Variants in ZNF541 observed in about 807,000 individuals in gnomAD.
ZNF541 encodes zinc finger protein 541.
A neutral mutation model predicts 123.5 loss-of-function variants in ZNF541; 23 were observed. The ratio of observed to expected loss-of-function variants is 0.19; its 90% CI spans 0.13 to 0.26. The LOEUF is 0.26. ZNF541 is among the 10% of genes least tolerant of loss of function. The probability of loss-of-function intolerance (pLI) is 1.00; values close to 1 mark genes in which losing one functional copy is unlikely to be tolerated. For synonymous variants in ZNF541, 751 were observed against 754.5 expected (o/e 1.00, Z 0.08); for missense variants, 1,612 against 1,789.9 (o/e 0.90, Z 1.79).
At chr19:47,552,636 G>C (rs1555775735) in intron 3 of ZNF541, among the ~76,000 whole-genome samples, 1 of 150,402 alleles carries the variant, frequency 6.6e-6, no homozygotes, top group African/African-American at 2.4e-5. Flanking sequence ...CCAGCTACTA[G>C]GGAGGCTGAG....
At chr19:47,532,023 T>C in intron 11 of ZNF541, 105 bp downstream of exon 11, 2 of 1,440,020 alleles carry the variant, frequency 1.4e-6, no homozygotes, top group Non-Finnish European at 9.3e-7. Flanking sequence ...CAGGGGACAC[T>C]ACTTGGATCT....
At position 47,557,722 on chromosome 19, in the gene ZNF541, C is replaced by G. The variant is rs187177792; in HGVS notation, c.-98-1768G>C. 1.2e-3 allele frequency among the ~76,000 whole-genome samples: 187 copies of G among 151,970 alleles called. 1 individual carries two copies. The highest frequency in any genetic ancestry group is 1.4e-3 in the Non-Finnish European group (97 of 67,950). On this transcript the variant is annotated intron_variant, in intron 2 of 16. Transcript: ENST00000391901. ...GGTGTGGTGGCGTCTATCTGTAGTC[C>G]CAGCTATTCAGAAGGCTGAGGCAGG...
chr19:47,561,945 T>A (rs866806274), intron 2 of ZNF541, among the ~76,000 whole-genome samples: 3 of 152,152 alleles, frequency 2.0e-5, no homozygotes, highest in Non-Finnish European at 4.4e-5. Context: ...CAGACTGCAA[T>A]ATGCAAAATA....
intron 9 of ZNF541, among the ~76,000 whole-genome samples, chr19:47,535,101 T>C (rs1969756517): frequency 6.6e-6 from 1 of 152,076 alleles, no homozygotes; most frequent in African/African-American, 2.4e-5. Context: ...TTACAGTGCC[T>C]GCCACCACAC....
chr19:47,531,512 G>T (rs538625869), intron 12 of ZNF541, 130 bp downstream of exon 12: 2 of 623,048 alleles, frequency 3.2e-6, no homozygotes, highest in Non-Finnish European at 5.3e-6. Flanking sequence ...TCCCAAAGCC[G>T]CTGTGGAGGA....
chr19:47,572,817 G>A (rs1599756203), intron 1 of ZNF541, among the ~76,000 whole-genome samples: 1 of 151,986 alleles, frequency 6.6e-6, no homozygotes, highest in East Asian at 1.9e-4. Context: ...GGGATCCTGA[G>A]GAGGGTCTTC....
chr19:47,543,999 C>A, intron 5 of ZNF541, 127 bp downstream of exon 5: 1 of 1,249,794 alleles, frequency 8.0e-7, no homozygotes, highest in Non-Finnish European at 1.1e-6. Flanking sequence ...CTTTCGGAAC[C>A]TTAATTCCTT....
Position 47,521,337 on chromosome 19 carries a change from G to A in ZNF541, c.3928C>T (p.Arg1310Trp), listed in dbSNP as rs1482020425. Reference sequence around the variant, plus strand: ...TCCACGTGGTCCTGAAGGCGGTGCCGCTTCATATGGGCATTTCGACTCTTG... The same window carrying A: ...TCCACGTGGTCCTGAAGGCGGTGCCACTTCATATGGGCATTTCGACTCTTG... ...KIKSRNAHMK[R>W]HRLQDHVEPI... Residue 1310 changes from arginine to tryptophan, a missense_variant, in exon 17 of 17, where the codon CGG (arginine) becomes TGG (tryptophan). By Grantham distance (101) the Arg-to-Trp change is moderately radical. Transcript: ENST00000391901. The surrounding 1 kb of genome is among the most constrained non-coding windows in gnomAD (Gnocchi z 4.2). The A allele has an allele frequency of 2.6e-6, 4 of 1,551,720 alleles. No individual in the cohort carries two copies. Among genetic ancestry groups the A allele is most frequent in the East Asian group, 2.4e-5 (1 of 40,922 alleles).
chr19:47,561,267 A>G lies in ZNF541; in HGVS notation c.-98-5313T>C, dbSNP rs922692093. On this transcript the variant is annotated intron_variant, in intron 2 of 16. Coordinates refer to ENST00000391901, the MANE Select transcript of ZNF541 (RefSeq NM_001277075.3). ...TTTGACAAAGTCAGACCCTGTCTCT[A>G]TGAAAAAAAATTTTTTTTTAATTAG... Among the ~76,000 whole-genome samples, 8 of 152,104 alleles carry G rather than the reference A, an allele frequency of 5.3e-5. No homozygotes were observed. In the East Asian group the frequency reaches 5.8e-4, roughly 11 times the overall value.
Position 47,544,423 on chromosome 19 carries a change from C to G in ZNF541, c.2106G>C (p.Gln702His), listed in dbSNP as rs1568498982. Residue 702 changes from glutamine to histidine, a missense_variant, in exon 5 of 17, where the codon CAG becomes CAC. Coordinates refer to ENST00000391901, the MANE Select transcript of ZNF541 (RefSeq NM_001277075.3). ...IFPSTGQRQTQLGGEEPPGAS... is the reference protein window; with the variant it reads ...IFPSTGQRQTHLGGEEPPGAS... ...CTCCTGGTGGCTCCTCCCCACCTAA[C>G]TGGGTCTGCCGTTGGCCTGTGGAGG... 9 of 1,551,500 alleles carry G rather than the reference C, an allele frequency of 5.8e-6. No individual in the cohort carries two copies. The highest frequency in any genetic ancestry group is 7.8e-6 in the Non-Finnish European group (9 of 1,147,018).
intron 4 of ZNF541, among the ~76,000 whole-genome samples, chr19:47,548,989 G>A (rs1040469356): frequency 1.3e-5 from 2 of 149,802 alleles, no homozygotes; most frequent in African/African-American, 2.4e-5. Context: ...TGAGGCAGGA[G>A]AATCACTTGA....
At chr19:47,535,858 G>C (rs917868386) in intron 9 of ZNF541, among the ~76,000 whole-genome samples, 15 of 152,112 alleles carry the variant, frequency 9.9e-5, no homozygotes, top group African/African-American at 3.6e-4. Flanking sequence ...CGGCGCTAGA[G>C]GAATTAAAGA....
intron 2 of ZNF541, among the ~76,000 whole-genome samples, chr19:47,560,374 G>T (rs1391861514): frequency 1.3e-5 from 2 of 152,062 alleles, no homozygotes; most frequent in African/African-American, 4.8e-5. Context: ...TCAGGAGTTT[G>T]AGACCAGCCT....
chr19:47,569,727 A>G (rs1430411490), intron 2 of ZNF541, among the ~76,000 whole-genome samples: 2 of 151,682 alleles, frequency 1.3e-5, no homozygotes, highest in Admixed American at 1.3e-4. Flanking sequence ...AAAAAATCAA[A>G]AATTAGCCAG....
chr19:47,555,744 C>A lies in ZNF541; in HGVS notation c.113G>T (p.Gly38Val), dbSNP rs1182855430. The A allele has an allele frequency of 6.4e-7, 1 of 1,551,718 alleles. No individual in the cohort carries two copies. The highest frequency in any genetic ancestry group is 1.2e-5 in the South Asian group (1 of 84,068). The change falls in exon 3 of 17, where the codon GGT becomes GTT. Residue 38 changes from glycine to valine, a missense_variant. Around this residue, in one of 5 missense-constraint regions of ZNF541, gnomAD observed 212 missense variants for 289.6 expected, o/e 0.73. Coordinates refer to ENST00000391901, the MANE Select transcript of ZNF541 (RefSeq NM_001277075.3). ...ATAAAGAAAGCCTCGCGTGTTGGGA[C>A]CCAAATCCCGGTTGAGGGTGTCGCT... ...NCSDTLNRDLGPNTRGFLYAG... is the reference protein window; with the variant it reads ...NCSDTLNRDLVPNTRGFLYAG...
rs1969030472 is a variant in ZNF541 at position 47,521,556 on chromosome 19, A to C, written c.3810T>G (p.Asn1270Lys). 6.4e-7 allele frequency: 1 copy of C among 1,551,612 alleles called. No homozygotes were observed. The highest frequency in any genetic ancestry group is 2.4e-5 in the East Asian group (1 of 40,908). ...GCTCGGGGGTCCGCTTGGAGCCTGC[A>C]TTTGGGCTGGAGCTGAGGATGGACT... ...RRESILSSSP[N>K]AGSKRTPELL... Residue 1270 changes from asparagine (N) to lysine (K), a missense_variant, in exon 16 of 17, where the codon AAT becomes AAG. By Grantham distance (94) the Asn-to-Lys change is moderately conservative. This residue lies in a region of ZNF541 where 285 missense variants were observed against 407.3 expected (regional missense o/e 0.70). Transcript: ENST00000391901. The surrounding 1 kb of genome is among the most constrained non-coding windows in gnomAD (Gnocchi z 4.2).
chr19:47,556,184 C>T (rs991162724), intron 2 of ZNF541, among the ~76,000 whole-genome samples: 4 of 152,152 alleles, frequency 2.6e-5, no homozygotes, highest in Non-Finnish European at 4.4e-5. Context: ...AAAAGTACTT[C>T]CAGCAACATG....
At position 47,544,586 on chromosome 19, in the gene ZNF541, T is replaced by A; in HGVS notation, c.1943A>T (p.Lys648Met). Residue 648 changes from lysine to methionine, a missense_variant, in exon 5 of 17, where the codon AAG becomes ATG. Around this residue, in one of 5 missense-constraint regions of ZNF541, gnomAD observed 1,080 missense variants for 1,013.8 expected, o/e 1.07. Coordinates refer to ENST00000391901, the MANE Select transcript of ZNF541 (RefSeq NM_001277075.3). ...ASPGSTRRDA[K>M]GGLKVAAVPT... ...AACCGCGGCCACTTTCAGTCCCCCCTTTGCGTCTCGTCTCGTGCTGCCGGG... is the reference window on the plus strand; with the variant it reads ...AACCGCGGCCACTTTCAGTCCCCCCATTGCGTCTCGTCTCGTGCTGCCGGG... 6.4e-7 allele frequency: 1 copy of A among 1,551,200 alleles called. No individual in the cohort carries two copies. Among genetic ancestry groups the A allele is most frequent in the Non-Finnish European group, 8.7e-7 (1 of 1,146,912 alleles).
chr19:47,524,660 A>G (rs963684477), intron 14 of ZNF541, among the ~76,000 whole-genome samples: 1 of 150,436 alleles, frequency 6.6e-6, no homozygotes, highest in Admixed American at 6.7e-5. Context: ...GTGAGCTGAG[A>G]TCGTACCACT....
Sources: allele counts gnomAD v4.1 joint callset (sites outside exome capture counted in the v4.1 genomes callset), GRCh38; gene constraint gnomAD v4.1.1; regional missense constraint gnomAD v4.1.1; non-coding constraint Gnocchi (gnomAD v3.1); transcripts MANE v1.5; gene names NCBI Gene and HGNC (gene_info 2026-07-23, HGNC 2026-07-21).